The following SHC4 variants were observed in gnomAD, a reference collection of about 807,000 sequenced individuals.
SHC4 encodes SHC-transforming protein 4.
In SHC4, 41 loss-of-function variants were observed where a neutral mutation model predicts 69.4. The observed-to-expected ratio is 0.59, with a 90% CI of 0.46 to 0.77. The LOEUF (loss-of-function observed/expected upper bound fraction) is 0.77, where lower values mean the gene tolerates loss of function less well. Among genes scored for constraint, SHC4 ranks in the 30% least tolerant of loss-of-function variants. The pLI is 0.00. For missense variants in SHC4, 777 were observed against 783.8 expected (o/e 0.99, Z 0.10); for synonymous variants, 318 against 299.3 (o/e 1.06, Z -0.64).
At chr15:48,927,323 C>T (rs1900871950) in intron 1 of SHC4, among the ~76,000 whole-genome samples, 1 of 152,150 alleles carries the variant, frequency 6.6e-6, no homozygotes, top group African/African-American at 2.4e-5. Context: ...CCCACACAGG[C>T]TGGAGAGCAG....
chr15:48,903,618 G>T (rs1900353527), intron 2 of SHC4, among the ~76,000 whole-genome samples: 1 of 152,118 alleles, frequency 6.6e-6, no homozygotes, highest in Non-Finnish European at 1.5e-5. Flanking sequence ...AAAATCACTG[G>T]ATAGGCTTCC....
chr15:48,914,616 C>A (rs539720432), intron 2 of SHC4, among the ~76,000 whole-genome samples: 1 of 152,266 alleles, frequency 6.6e-6, no homozygotes, highest in African/African-American at 2.4e-5. Context: ...GAAACTTAAG[C>A]CCCGAAGCCT....
intron 4 of SHC4, chr15:48,878,896 A>G: frequency 1.8e-6 from 1 of 568,920 alleles, no homozygotes. Context: ...GTGACTGCAC[A>G]GTTGTGAAAA....
rs545277190 is a variant in SHC4 at position 48,956,064 on chromosome 15, G to C, written c.585+6367C>G. Among the ~76,000 whole-genome samples, 6 of 152,124 alleles carry C rather than the reference G, an allele frequency of 3.9e-5. No individual in the cohort carries two copies. The East Asian group carries it at 1.2e-3, about 29-fold the overall frequency. ...GTGAAGGTCTAGAGAGAAGAACAGG[G>C]GAACGGGTCAAACCTGCCAGGCTTT... On this transcript the variant is annotated intron_variant, in intron 1 of 11. Transcript: ENST00000332408.
intron 1 of SHC4, among the ~76,000 whole-genome samples, chr15:48,949,935 C>A (rs1901338820): frequency 1.4e-5 from 2 of 137,956 alleles, no homozygotes. Flanking sequence ...TATTAATATG[C>A]AGATTATATA....
intron 11 of SHC4, among the ~76,000 whole-genome samples, chr15:48,828,128 TATATATAC>T (rs1477144929): frequency 8.7e-4 from 111 of 128,018 alleles, no homozygotes; most frequent in African/African-American, 2.7e-3. Flanking sequence ...TATATATATA[TATATATAC>T]ATCTGTTATG....
intron 1 of SHC4, chr15:48,946,413 C>T (rs964653963): frequency 1.8e-5 from 4 of 228,220 alleles, no homozygotes; most frequent in South Asian, 3.2e-4. Context: ...TTGCCAGGGC[C>T]GAGGGGCCTC....
At chr15:48,835,291 C>G (rs1898878901) in intron 10 of SHC4, among the ~76,000 whole-genome samples, 1 of 152,140 alleles carries the variant, frequency 6.6e-6, no homozygotes, top group East Asian at 1.9e-4. Flanking sequence ...GGAAATGGAA[C>G]AGACCCATGA....
Position 48,962,609 on chromosome 15 carries a change from C to A in SHC4, c.407G>T (p.Ser136Ile), listed in dbSNP as rs1454706257. ...GSSGPSSPET[S>I]LSRSGTAPPP... ...AGGTGCAGTCCCGGACCTACTTAAA[C>A]TGGTTTCTGGGGAAGAGGGGCCGCT... Residue 136 changes from serine (S) to isoleucine (I), a missense_variant, in exon 1 of 12, where the codon AGT becomes ATT. Physicochemically the swap from Ser to Ile is moderately radical, Grantham distance 142. Coordinates refer to ENST00000332408, the MANE Select transcript of SHC4 (RefSeq NM_203349.4). 1 of 1,614,088 alleles carries A rather than the reference C, an allele frequency of 6.2e-7. No homozygotes were observed. Among genetic ancestry groups the A allele is most frequent in the Non-Finnish European group, 8.5e-7 (1 of 1,179,968 alleles).
chr15:48,881,347 T>C (rs2141001070), intron 4 of SHC4, among the ~76,000 whole-genome samples: 1 of 148,512 alleles, frequency 6.7e-6, no homozygotes, highest in South Asian at 2.1e-4. Context: ...TAGACCTATG[T>C]AGCCAACAAA....
At chr15:48,908,779 T>G (rs1202387887) in intron 2 of SHC4, among the ~76,000 whole-genome samples, 1 of 152,234 alleles carries the variant, frequency 6.6e-6, no homozygotes, top group African/African-American at 2.4e-5. Flanking sequence ...GGCTAGCCAG[T>G]TATCCCAGCA....
At chr15:48,856,815 A>C (rs1433840350) in intron 7 of SHC4, among the ~76,000 whole-genome samples, 1 of 151,432 alleles carries the variant, frequency 6.6e-6, no homozygotes, top group East Asian at 1.9e-4. Context: ...GTCTATTTGG[A>C]TTGAACTGAT....
chr15:48,895,989 G>A (rs1340657895), intron 2 of SHC4, among the ~76,000 whole-genome samples: 1 of 152,066 alleles, frequency 6.6e-6, no homozygotes, highest in Non-Finnish European at 1.5e-5. Flanking sequence ...CCAGGAGCCC[G>A]ATGCAGGAGG....
At chr15:48,924,170 A>G (rs1425629682) in intron 2 of SHC4, among the ~76,000 whole-genome samples, 1 of 152,132 alleles carries the variant, frequency 6.6e-6, no homozygotes, top group East Asian at 1.9e-4. Context: ...ACCACATCCA[A>G]TGGATGCCCA....
intron 4 of SHC4, chr15:48,877,069 G>T (rs1036875786): frequency 6.6e-6 from 1 of 152,580 alleles, no homozygotes; most frequent in African/African-American, 2.4e-5. Context: ...ATACGTTCTC[G>T]ATTAAAGTCA....
intron 4 of SHC4, chr15:48,878,698 G>GACC: frequency 6.2e-7 from 1 of 1,613,998 alleles, no homozygotes; most frequent in Non-Finnish European, 8.5e-7. Flanking sequence ...TCAATCGTCT[G>GACC]ACCGAAGAAC....
intron 1 of SHC4, among the ~76,000 whole-genome samples, chr15:48,926,856 G>A (rs114700158): frequency 0.012 from 1,826 of 152,260 alleles, 35 homozygotes; most frequent in African/African-American, 0.042. Context: ...CATGCTGGCC[G>A]GGACAATCAC....
At chr15:48,896,448 G>A (rs560748132) in intron 2 of SHC4, among the ~76,000 whole-genome samples, 1 of 151,990 alleles carries the variant, frequency 6.6e-6, no homozygotes, top group South Asian at 2.1e-4. Flanking sequence ...AGCCTCCCAA[G>A]TAGCTGGAAT....
chr15:48,963,621 G>A lies in SHC4; in HGVS notation c.-606C>T, dbSNP rs1901584439. 6.6e-6 allele frequency among the ~76,000 whole-genome samples: 1 copy of A among 152,200 alleles called. No individual in the cohort carries two copies. Among genetic ancestry groups the A allele is most frequent in the South Asian group, 2.1e-4 (1 of 4,832 alleles). On this transcript the variant is annotated 5_prime_UTR_variant, in exon 1 of 12. The change creates a premature stop within an existing upstream ORF in the 5' untranslated region. Coordinates refer to ENST00000332408, the MANE Select transcript of SHC4 (RefSeq NM_203349.4). ...TTGATTCCAAAGGCTGCCCTCTCTT[G>A]GAAGATCTTGTCTTGCATCCCGTTC...
Sources: gnomAD v4.1 joint callset for allele counts (sites outside exome capture counted in the v4.1 genomes callset) on GRCh38, gnomAD v4.1.1 for gene constraint, MANE v1.5 for transcripts, NCBI Gene and HGNC (gene_info 2026-07-23, HGNC 2026-07-21) for gene names.